The following CAPZB variants were observed in gnomAD, a reference collection of about 807,000 sequenced individuals.
CAPZB encodes capping actin protein of muscle Z-line subunit beta, also known as F-actin-capping protein subunit beta.
A neutral mutation model predicts 38.1 loss-of-function variants in CAPZB; 2 were observed. That is an observed-to-expected ratio of 0.05 (90% CI 0.02 to 0.17). The LOEUF (loss-of-function observed/expected upper bound fraction) is 0.17. CAPZB is among the 10% of genes least tolerant of loss of function. The pLI is 1.00. For synonymous variants in CAPZB, 107 were observed against 127.4 expected, an observed-to-expected ratio of 0.84 and a Z score of 1.08; for missense variants, 161 against 334.2, an observed-to-expected ratio of 0.48 and a Z score of 4.04.
intron 1 of CAPZB, among the ~76,000 whole-genome samples, chr1:19,432,439 C>G (rs1178088197): frequency 2.6e-5 from 4 of 151,928 alleles, no homozygotes. Flanking sequence ...GAGACCCTCT[C>G]TCAAAAAAAA....
intron 1 of CAPZB, among the ~76,000 whole-genome samples, chr1:19,461,294 T>C (rs1036895708): frequency 6.7e-6 from 1 of 149,320 alleles, no homozygotes; most frequent in African/African-American, 2.4e-5. Flanking sequence ...TAGGTCACTG[T>C]TGCTTTGCAA....
chr1:19,414,276 C>G (rs1408423889), intron 2 of CAPZB, among the ~76,000 whole-genome samples: 1 of 152,228 alleles, frequency 6.6e-6, no homozygotes, highest in Non-Finnish European at 1.5e-5. Flanking sequence ...ACCGCTGAGG[C>G]TGGCAGTGTG....
chr1:19,416,860 CAA>C (rs59789230), intron 2 of CAPZB, among the ~76,000 whole-genome samples: 6 of 69,446 alleles, frequency 8.6e-5, no homozygotes, highest in African/African-American at 3.6e-4. Flanking sequence ...GACCCTGTCT[CAA>C]AAAAAAAAAA....
intron 1 of CAPZB, among the ~76,000 whole-genome samples, chr1:19,448,598 T>C (rs777967545): frequency 6.6e-6 from 1 of 152,222 alleles, no homozygotes; most frequent in African/African-American, 2.4e-5. Flanking sequence ...TTTTTTCTTA[T>C]TCAACTGCAG....
intron 2 of CAPZB, among the ~76,000 whole-genome samples, chr1:19,405,861 A>G (rs1478781506): frequency 6.6e-6 from 1 of 152,226 alleles, no homozygotes; most frequent in Non-Finnish European, 1.5e-5. Flanking sequence ...TCAATTACAT[A>G]AAAGGCAATG....
Position 19,444,732 on chromosome 1 carries a change from A to C in CAPZB, c.4-24982T>G, listed in dbSNP as rs182401214. On this transcript the variant is annotated intron_variant, in intron 1 of 8. Transcript: ENST00000264202. ...AAGATAGCTCCAAATTGGGAAGAAA[A>C]CAAATTTTTGTATTTTATTTTTATT... 2.4e-4 allele frequency among the ~76,000 whole-genome samples: 37 copies of C among 152,270 alleles called. No individual in the cohort carries two copies. The East Asian group carries it at 7.1e-3, about 29-fold the overall frequency.
intron 4 of CAPZB, among the ~76,000 whole-genome samples, chr1:19,372,404 C>T (rs1352722680): frequency 6.6e-6 from 1 of 152,236 alleles, no homozygotes; most frequent in Non-Finnish European, 1.5e-5. Flanking sequence ...GTCAGAACAT[C>T]TGGTCCCAGG....
rs79896581 is a variant in CAPZB, at chr1:19,444,162, A to T, written c.4-24412T>A. On this transcript the variant is annotated intron_variant, in intron 1 of 8. Coordinates refer to ENST00000264202, the MANE Select transcript of CAPZB (RefSeq NM_004930.5). ...AACAGAGCCAGACTCCGTCTCAAGG[A>T]AAAAAAAAAATTCTATTCAGATTTT... Among the ~76,000 whole-genome samples, 4 of 86,600 alleles carry T rather than the reference A, an allele frequency of 4.6e-5. No homozygotes were observed. The Admixed American group carries it at 4.8e-4, about 10-fold the overall frequency. 56.8% of individuals were successfully genotyped at this position (86,600 alleles called of 152,430 possible). A position where few individuals can be genotyped will look rare whatever the true frequency, so the allele number is the denominator to read the frequency against.
chr1:19,461,473 G>A (rs1229534982), intron 1 of CAPZB, among the ~76,000 whole-genome samples: 5 of 152,238 alleles, frequency 3.3e-5, no homozygotes, highest in South Asian at 4.2e-4. Flanking sequence ...CACTCCAGTC[G>A]GGGTCTGTTT....
chr1:19,484,864 G>A (rs550329181), intron 1 of CAPZB, among the ~76,000 whole-genome samples: 6 of 152,318 alleles, frequency 3.9e-5, no homozygotes, highest in Non-Finnish European at 7.4e-5. Flanking sequence ...TTCACAGAGA[G>A]AAGAGGAGAT....
At chr1:19,359,456 T>C (rs2094041025) in intron 4 of CAPZB, among the ~76,000 whole-genome samples, 1 of 152,154 alleles carries the variant, frequency 6.6e-6, no homozygotes, top group Admixed American at 6.5e-5. Flanking sequence ...CTTGGCCCCC[T>C]GCCCAGGGCT....
intron 1 of CAPZB, among the ~76,000 whole-genome samples, chr1:19,480,111 T>C (rs2094622244): frequency 1.3e-5 from 2 of 152,036 alleles, no homozygotes; most frequent in Non-Finnish European, 2.9e-5. Flanking sequence ...CACCCATGGG[T>C]CCCTGGCTAA....
At chr1:19,398,381 G>A (rs2094284106) in intron 2 of CAPZB, among the ~76,000 whole-genome samples, 1 of 152,214 alleles carries the variant, frequency 6.6e-6, no homozygotes, top group African/African-American at 2.4e-5. Flanking sequence ...GAGTCAGAGG[G>A]CGGAGGTCTG....
Position 19,356,665 on chromosome 1 carries a change from G to C in CAPZB, c.558C>G (p.Thr186=), listed in dbSNP as rs1341671247. The C allele has an allele frequency of 1.9e-6, 3 of 1,613,832 alleles. No individual in the cohort carries two copies. In the South Asian group the frequency reaches 3.3e-5, roughly 18 times the overall value. Residue 186 remains threonine (T), a synonymous_variant, in exon 6 of 9, where the codon ACC becomes ACG. Coordinates refer to ENST00000264202, the MANE Select transcript of CAPZB (RefSeq NM_004930.5). The surrounding 1 kb of genome is among the most constrained non-coding windows in gnomAD (Gnocchi z 4.3). ...TGGTAAGGCTGCCTCCGAGGTTCAT[G>C]GTGCCAGAGCCAGATTTGTTGGTCT... ...WLQTNKSGSG[T]MNLGGSLTRQ...
At chr1:19,441,348 T>C (rs1318248122) in intron 1 of CAPZB, among the ~76,000 whole-genome samples, 1 of 152,124 alleles carries the variant, frequency 6.6e-6, no homozygotes, top group Non-Finnish European at 1.5e-5. Flanking sequence ...AAAGTAAGTA[T>C]AAGGGTGTAC....
intron 1 of CAPZB, among the ~76,000 whole-genome samples, chr1:19,443,281 A>T (rs1480316955): frequency 6.6e-6 from 1 of 152,038 alleles, no homozygotes; most frequent in Non-Finnish European, 1.5e-5. Context: ...CTGTAGTCCC[A>T]GCTACTCGGG....
At chr1:19,432,189 T>C (rs1188640976) in intron 1 of CAPZB, among the ~76,000 whole-genome samples, 1 of 152,100 alleles carries the variant, frequency 6.6e-6, no homozygotes, top group Non-Finnish European at 1.5e-5. Flanking sequence ...ACATTTGTAA[T>C]CCCAGCACTT....
chr1:19,400,038 T>A (rs770088318), intron 2 of CAPZB, among the ~76,000 whole-genome samples: 13 of 152,146 alleles, frequency 8.5e-5, no homozygotes, highest in Non-Finnish European at 1.9e-4. Flanking sequence ...CATAATCTTC[T>A]CCCCTGAATG....
chr1:19,352,671 C>T lies in CAPZB; in HGVS notation c.588+3964G>A, dbSNP rs184981050. Reference sequence around the variant, plus strand: ...CAAGCCTGGGCAGGAAGGTATGATCCGGCCGGCCTGCGGCTCACCTTCACT... The same window carrying T: ...CAAGCCTGGGCAGGAAGGTATGATCTGGCCGGCCTGCGGCTCACCTTCACT... On this transcript the variant is annotated intron_variant, in intron 6 of 8. Coordinates refer to ENST00000264202, the MANE Select transcript of CAPZB (RefSeq NM_004930.5). Among the ~76,000 whole-genome samples, 261 of 152,376 alleles carry T rather than the reference C, an allele frequency of 1.7e-3. 1 individual carries two copies. The highest frequency in any genetic ancestry group is 5.1e-3 in the African/African-American group (214 of 41,590).
Sources: allele counts gnomAD v4.1 joint callset (sites outside exome capture counted in the v4.1 genomes callset), GRCh38; gene constraint gnomAD v4.1.1; non-coding constraint Gnocchi (gnomAD v3.1); transcripts MANE v1.5; gene names NCBI Gene and HGNC (gene_info 2026-07-23, HGNC 2026-07-21).